NCK1: variants seen among roughly 807,000 people sequenced by gnomAD.
The protein encoded by NCK1 is NCK adaptor protein 1.
In NCK1, 19 loss-of-function variants were observed where a neutral mutation model predicts 36.6. The observed-to-expected ratio is 0.52, with a 90% CI of 0.36 to 0.76. NCK1 has a LOEUF of 0.76. Among genes scored for constraint, NCK1 ranks in the 30% least tolerant of loss-of-function variants. NCK1 has a pLI of 0.00. For missense variants in NCK1, 358 were observed against 445.6 expected, an observed-to-expected ratio of 0.80 and a Z score of 1.77; for synonymous variants, 165 against 156.0, an observed-to-expected ratio of 1.06 and a Z score of -0.43.
rs745536121 is a variant in NCK1 at position 136,945,878 on chromosome 3, T to C, written c.522T>C (p.Ser174=). Residue 174 remains serine (S), a synonymous_variant, in exon 3 of 4, where the codon TCT becomes TCC. Transcript: ENST00000481752. ...GTCCTTTGGGTGACCATGTGGGTTC[T>C]CTGTCAGAGAAATTAGCAGCAGTCG... ...GDSPLGDHVG[S]LSEKLAAVVN... is the part of the protein sequence containing the mutation. 6.2e-7 allele frequency: 1 copy of C among 1,614,148 alleles called. No homozygotes were observed. The highest frequency in any genetic ancestry group is 1.1e-5 in the South Asian group (1 of 91,086).
chr3:136,929,705 C>T (rs1369524847), intron 2 of NCK1, among the ~76,000 whole-genome samples: 1 of 152,082 alleles, frequency 6.6e-6, no homozygotes, highest in Non-Finnish European at 1.5e-5. Context: ...CTAAGACATA[C>T]CCAGTTAGAC....
At chr3:136,936,250 AG>A (rs1291586378) in intron 2 of NCK1, among the ~76,000 whole-genome samples, 3 of 152,132 alleles carry the variant, frequency 2.0e-5, no homozygotes, top group African/African-American at 4.8e-5. Flanking sequence ...CATGTTGGCC[AG>A]GCTGGTCACG....
At chr3:136,904,804 G>T (rs1011066892) in intron 1 of NCK1, among the ~76,000 whole-genome samples, 16 of 148,406 alleles carry the variant, frequency 1.1e-4, no homozygotes, top group African/African-American at 3.7e-4. Context: ...GTTACTTAAT[G>T]GTGTTCCATA....
chr3:136,894,488 A>G (rs1471172335), intron 1 of NCK1, among the ~76,000 whole-genome samples: 1 of 152,166 alleles, frequency 6.6e-6, no homozygotes, highest in Non-Finnish European at 1.5e-5. Flanking sequence ...GACAGTTTCT[A>G]GGTGATGTGG....
intron 1 of NCK1, among the ~76,000 whole-genome samples, chr3:136,884,003 G>A (rs1939011140): frequency 6.6e-6 from 1 of 152,192 alleles, no homozygotes; most frequent in Non-Finnish European, 1.5e-5. Flanking sequence ...TTCAATTTGA[G>A]GTGATAGCAA....
chr3:136,948,132 T>G (rs1013880315), intron 3 of NCK1, 127 bp from the exon 4 acceptor site: 1 of 630,174 alleles, frequency 1.6e-6, no homozygotes, highest in African/African-American at 1.9e-5. Flanking sequence ...AGATAATCTA[T>G]GTAAATAATT....
intron 1 of NCK1, among the ~76,000 whole-genome samples, chr3:136,917,387 T>C (rs1157103300): frequency 6.6e-6 from 1 of 152,248 alleles, no homozygotes; most frequent in African/African-American, 2.4e-5. Flanking sequence ...GCCTGGTTCC[T>C]ATTCTCATTT....
At chr3:136,945,436 AT>A in intron 2 of NCK1, 146 bp from the exon 3 acceptor site, 2 of 546,198 alleles carry the variant, frequency 3.7e-6, no homozygotes, top group Non-Finnish European at 5.9e-6. Flanking sequence ...CAAAAAGATG[AT>A]TTTTAACTAC....
chr3:136,903,350 A>T (rs1939596563), intron 1 of NCK1, among the ~76,000 whole-genome samples: 1 of 152,098 alleles, frequency 6.6e-6, no homozygotes, highest in Non-Finnish European at 1.5e-5. Context: ...TACAGGTGAG[A>T]TGAGTTTATT....
At chr3:136,882,195 ATG>A (rs1938960424) in intron 1 of NCK1, among the ~76,000 whole-genome samples, 1 of 151,788 alleles carries the variant, frequency 6.6e-6, no homozygotes, top group African/African-American at 2.4e-5. Context: ...TGTTTCCTGC[ATG>A]TTTTTTTAAA....
At chr3:136,886,821 T>C (rs1201777718) in intron 1 of NCK1, among the ~76,000 whole-genome samples, 1 of 17,332 alleles carries the variant, frequency 5.8e-5, no homozygotes, top group African/African-American at 1.4e-4. Flanking sequence ...ATCAGTCTTT[T>C]TTTTTTTTTT....
intron 1 of NCK1, among the ~76,000 whole-genome samples, chr3:136,865,647 AATG>A (rs1276427937): frequency 1.3e-5 from 2 of 152,258 alleles, no homozygotes; most frequent in African/African-American, 4.8e-5. Context: ...TAGAAAATTA[AATG>A]ATTATTTCAT....
At chr3:136,890,713 TA>T (rs1422140016) in intron 1 of NCK1, among the ~76,000 whole-genome samples, 7 of 152,232 alleles carry the variant, frequency 4.6e-5, no homozygotes, top group Non-Finnish European at 7.3e-5. Flanking sequence ...TACATGTTTT[TA>T]AAAAGTTATT....
At chr3:136,933,414 TA>T (rs1178621604) in intron 2 of NCK1, among the ~76,000 whole-genome samples, 2 of 152,182 alleles carry the variant, frequency 1.3e-5, no homozygotes, top group Non-Finnish European at 2.9e-5. Flanking sequence ...ACAGCTGTCA[TA>T]TGAAGAAGGA....
At chr3:136,893,690 C>A (rs1939317024) in intron 1 of NCK1, among the ~76,000 whole-genome samples, 2 of 152,130 alleles carry the variant, frequency 1.3e-5, no homozygotes, top group South Asian at 4.1e-4. Flanking sequence ...TTGATAGAAT[C>A]TACATCTTGC....
intron 1 of NCK1, among the ~76,000 whole-genome samples, chr3:136,903,170 C>T (rs1465562333): frequency 6.6e-6 from 1 of 152,110 alleles, no homozygotes; most frequent in Admixed American, 6.5e-5. Context: ...TTAAATCCTC[C>T]TCCTGAATTT....
intron 2 of NCK1, among the ~76,000 whole-genome samples, chr3:136,935,262 A>G (rs975355719): frequency 1.3e-5 from 2 of 152,168 alleles, no homozygotes; most frequent in Non-Finnish European, 2.9e-5. Context: ...AAGCTTCCAG[A>G]GAGAATCATT....
intron 1 of NCK1, among the ~76,000 whole-genome samples, chr3:136,890,355 C>T (rs1439496329): frequency 6.6e-6 from 1 of 152,196 alleles, no homozygotes; most frequent in Admixed American, 6.5e-5. Flanking sequence ...GCGTTGCACG[C>T]AGCCCCAGTT....
intron 1 of NCK1, among the ~76,000 whole-genome samples, chr3:136,921,515 A>T (rs551134029): frequency 6.6e-6 from 1 of 152,258 alleles, no homozygotes; most frequent in East Asian, 1.9e-4. Context: ...TTCATTTCTT[A>T]GTGCCTTTGT....
Sources: gnomAD v4.1 joint callset for allele counts (sites outside exome capture counted in the v4.1 genomes callset) on GRCh38, gnomAD v4.1.1 for gene constraint, MANE v1.5 for transcripts, NCBI Gene and HGNC (gene_info 2026-07-23, HGNC 2026-07-21) for gene names.